Variants in SMARCA2 observed in about 807,000 individuals in gnomAD.
SMARCA2 encodes SWI/SNF-related matrix-associated actin-dependent regulator of chromatin subfamily A member 2.
Under a neutral mutation model 199.8 loss-of-function variants are expected in SMARCA2, and 61 were observed. The ratio of observed to expected loss-of-function variants is 0.31; its 90% CI spans 0.25 to 0.38. SMARCA2 has a LOEUF of 0.38. Ranked by LOEUF, SMARCA2 falls within the 10% of genes least tolerant of loss-of-function variation. The pLI is 1.00. For synonymous variants in SMARCA2, 935 were observed against 732.0 expected (o/e 1.28, Z -4.48); for missense variants, 1,344 against 2,012.2 (o/e 0.67, Z 6.35).
rs141023852 is a variant in SMARCA2 at position 2,191,244 on chromosome 9, A to G, written c.4595-22A>G. The stretch of plus-strand genomic sequence containing the variant: ...TCCTTGTGATTACTCACTGGTGTCT[A>G]TTTCATTTGCTTTGGTTTTAGCAAA... On this transcript the variant is annotated intron_variant, in intron 32 of 33. Transcript: ENST00000349721. The G allele has an allele frequency of 7.7e-3, 12,437 of 1,612,302 alleles. 54 individuals carry two copies. The highest frequency in any genetic ancestry group is 9.0e-3 in the Non-Finnish European group (10,655 of 1,178,636).
rs1826138183 is a variant in SMARCA2 at position 2,169,721 on chromosome 9, GC to G, written c.4200-697del. 6.6e-6 allele frequency among the ~76,000 whole-genome samples: 1 copy of G among 152,132 alleles called. No individual in the cohort carries two copies. The highest frequency in any genetic ancestry group is 1.5e-5 in the Non-Finnish European group (1 of 68,006). On this transcript the variant is annotated intron_variant, in intron 28 of 33. Transcript: ENST00000349721. This position sits in a 1 kb window ranked among gnomAD's most constrained non-coding sequence, Gnocchi z 6.5. ...TTCCCAGGATCTGTGAAACCTGGCA[GC>G]TGCTTCCCTGCCACCACAAAAAGGG...
intron 1 of SMARCA2, among the ~76,000 whole-genome samples, chr9:2,028,333 G>C (rs1818920222): frequency 6.7e-6 from 1 of 148,564 alleles, no homozygotes; most frequent in East Asian, 2.0e-4. Flanking sequence ...TGAGACTACA[G>C]CTGTGTTTTT....
intron 24 of SMARCA2, among the ~76,000 whole-genome samples, chr9:2,113,956 T>C (rs1320581354): frequency 6.6e-6 from 1 of 152,208 alleles, no homozygotes; most frequent in Non-Finnish European, 1.5e-5. Flanking sequence ...AAAAAGAGTA[T>C]CAGCCTTCTG....
intron 4 of SMARCA2, chr9:2,043,342 T>C (rs1428049010): frequency 1.3e-5 from 2 of 150,544 alleles, no homozygotes; most frequent in Non-Finnish European, 3.0e-5. Context: ...AACTCTGCAG[T>C]GGTTTCCCCT....
rs760511909 is a variant in SMARCA2 at position 2,039,803 on chromosome 9, G to GCAGCAGCAGCAGCAA, written c.701_715dup (p.Gln234_Gln238dup). ...AGCAGCAGCAGCAGCAGCAGCAGCA[G>GCAGCAGCAGCAGCAA]CAGCAGCAGCAGCAACAGCAGCCGC... is the stretch of plus-strand genomic sequence containing the variant. On this transcript the variant is annotated inframe_insertion, in exon 4 of 34. Transcript: ENST00000349721. This position sits in a 1 kb window ranked among gnomAD's most constrained non-coding sequence, Gnocchi z 4.8. 2.1e-5 allele frequency: 34 copies of GCAGCAGCAGCAGCAA among 1,597,796 alleles called. No individual in the cohort carries two copies. The highest frequency in any genetic ancestry group is 2.7e-5 in the Non-Finnish European group (31 of 1,168,778).
intron 28 of SMARCA2, among the ~76,000 whole-genome samples, chr9:2,163,878 C>G (rs893054490): frequency 6.6e-6 from 1 of 151,982 alleles, no homozygotes; most frequent in Non-Finnish European, 1.5e-5. Context: ...CCAACAGATT[C>G]GTTTGGTTTT....
rs534115511 is a variant in SMARCA2 at position 2,153,062 on chromosome 9, ACAAC to A, written c.3982-8620_3982-8617del. Among the ~76,000 whole-genome samples the A allele has an allele frequency of 7.0e-3, 1,062 of 152,142 alleles. 10 individuals carry two copies. Among genetic ancestry groups the A allele is most frequent in the African/African-American group, 0.024 (989 of 41,508 alleles). On this transcript the variant is annotated intron_variant, in intron 27 of 33. Transcript: ENST00000349721. Reference sequence around the variant, plus strand: ...AAGTGATAATGGCAAAAACAAACAAACAACCAAAAAAACAAAGTCACAGTAAAGG... The same window carrying A: ...AAGTGATAATGGCAAAAACAAACAAACAAAAAAACAAAGTCACAGTAAAGG...
intron 14 of SMARCA2, chr9:2,080,120 G>A (rs1239627362): frequency 6.6e-6 from 1 of 152,186 alleles, no homozygotes; most frequent in Non-Finnish European, 1.5e-5. Context: ...ACCAGTTCAA[G>A]TTGTGGCTCA....
chr9:2,047,125 C>T (rs1184348589), intron 4 of SMARCA2, 104 bp from the exon 5 acceptor site: 5 of 846,594 alleles, frequency 5.9e-6, no homozygotes, highest in African/African-American at 1.9e-5. Flanking sequence ...GTTTAAGACA[C>T]TTAATGGTCC....
intron 5 of SMARCA2, among the ~76,000 whole-genome samples, chr9:2,052,670 A>G (rs1431744673): frequency 6.6e-6 from 1 of 152,240 alleles, no homozygotes. Flanking sequence ...AATTTTTAAA[A>G]ATGATGACAT....
intron 27 of SMARCA2, among the ~76,000 whole-genome samples, chr9:2,139,325 G>A (rs1289906214): frequency 6.6e-6 from 1 of 152,182 alleles, no homozygotes; most frequent in Non-Finnish European, 1.5e-5. Flanking sequence ...TGTCTGGTGG[G>A]CAGGGGGGTA....
chr9:2,080,915 G>C (rs934075698), intron 14 of SMARCA2, among the ~76,000 whole-genome samples: 1 of 152,058 alleles, frequency 6.6e-6, no homozygotes, highest in Non-Finnish European at 1.5e-5. Context: ...TACAGACCTT[G>C]GTATCTATCT....
At chr9:2,102,813 C>G (rs2130550707) in intron 22 of SMARCA2, among the ~76,000 whole-genome samples, 1 of 152,214 alleles carries the variant, frequency 6.6e-6, no homozygotes, top group East Asian at 1.9e-4. Context: ...CTGCCTAAAA[C>G]CCATTGATGA....
intron 11 of SMARCA2, 31 bp from the exon 12 acceptor site, chr9:2,073,535 C>T: frequency 6.3e-7 from 1 of 1,580,328 alleles, no homozygotes; most frequent in Non-Finnish European, 8.7e-7. Context: ...AAAAACTAAG[C>T]CCCCTCCTCT....
rs947804773 is a variant in SMARCA2 at position 2,067,354 on chromosome 9, G to C, written c.1693-3064G>C. ...TTTTAAGTGCCTGATGCCCTTGTAGGTGTGGGAATGCACCAGTGAACAAAA... is the reference window on the plus strand; with the variant it reads ...TTTTAAGTGCCTGATGCCCTTGTAGCTGTGGGAATGCACCAGTGAACAAAA... On this transcript the variant is annotated intron_variant, in intron 9 of 33. Transcript: ENST00000349721. Among the ~76,000 whole-genome samples the C allele has an allele frequency of 4.6e-5, 7 of 152,192 alleles. No individual in the cohort carries two copies. In the East Asian group the frequency reaches 1.2e-3, roughly 25 times the overall value.
At chr9:2,159,097 C>T (rs573299902) in intron 27 of SMARCA2, 172 of 1,216,488 alleles carry the variant, frequency 1.4e-4, no homozygotes, top group South Asian at 1.2e-3. Context: ...AATTTGTTTT[C>T]GCTTCTTAGC....
intron 27 of SMARCA2, chr9:2,160,809 G>C (rs1249284946): frequency 2.9e-6 from 1 of 350,028 alleles, no homozygotes; most frequent in Admixed American, 4.9e-5. Context: ...CAAATTTTAT[G>C]TTCTTTTTTT....
intron 24 of SMARCA2, among the ~76,000 whole-genome samples, chr9:2,113,856 G>A (rs900806047): frequency 6.6e-5 from 10 of 152,086 alleles, no homozygotes; most frequent in African/African-American, 1.9e-4. Context: ...TACTACTCGC[G>A]GGCTCGGTCT....
intron 19 of SMARCA2, among the ~76,000 whole-genome samples, chr9:2,093,576 A>G (rs931415250): frequency 6.6e-6 from 1 of 152,196 alleles, no homozygotes; most frequent in Non-Finnish European, 1.5e-5. Flanking sequence ...GTGCCCAGAT[A>G]AGGAGATTTA....
Sources: allele counts gnomAD v4.1 joint callset (sites outside exome capture counted in the v4.1 genomes callset), GRCh38; gene constraint gnomAD v4.1.1; non-coding constraint Gnocchi (gnomAD v3.1); transcripts MANE v1.5; gene names NCBI Gene and HGNC (gene_info 2026-07-23, HGNC 2026-07-21).